MACF1: variants seen among roughly 807,000 people sequenced by gnomAD.
MACF1 encodes microtubule-actin cross-linking factor 1.
MACF1 carries 193 observed loss-of-function variants against 854.8 expected under a neutral mutation model. The observed-to-expected ratio is 0.23, with a 90% CI of 0.20 to 0.25. The LOEUF is 0.25. Among genes scored for constraint, MACF1 ranks in the 10% least tolerant of loss-of-function variants. The pLI is 1.00. For missense variants in MACF1, 7,722 were observed against 8,929.1 expected, an observed-to-expected ratio of 0.86 and a Z score of 5.45; for synonymous variants, 3,185 against 3,226.7, an observed-to-expected ratio of 0.99 and a Z score of 0.44.
At chr1:39,279,658 A>C (rs1223389178) in intron 6 of MACF1, among the ~76,000 whole-genome samples, 1 of 152,160 alleles carries the variant, frequency 6.6e-6, no homozygotes, top group East Asian at 1.9e-4. Context: ...ATGGGAAGGG[A>C]ATACATGTAC....
At position 39,444,699 on chromosome 1, in the gene MACF1, A is replaced by G; in HGVS notation, c.19469A>G (p.Tyr6490Cys). Residue 6490 changes from tyrosine to cysteine, a missense_variant, in exon 80 of 101, where the codon TAT (tyrosine) becomes TGT (cysteine). Tyr to Cys is a radical substitution (Grantham distance 194). Coordinates refer to ENST00000564288, the MANE Select transcript of MACF1 (RefSeq NM_001394062.1). ...YSQLKAKEETYNQLLDKGRLM... is the reference protein window; with the variant it reads ...YSQLKAKEETCNQLLDKGRLM... ...CAGCTGAAAGCCAAGGAAGAGACTT[A>G]TAATCAACTACTTGACAAGGGCAGA... 1.2e-6 allele frequency: 2 copies of G among 1,614,004 alleles called. No individual in the cohort carries two copies. Among genetic ancestry groups the G allele is most frequent in the Non-Finnish European group, 1.7e-6 (2 of 1,179,900 alleles).
intron 2 of MACF1, among the ~76,000 whole-genome samples, chr1:39,085,111 G>C (rs1641639378): frequency 6.6e-6 from 1 of 152,224 alleles, no homozygotes; most frequent in Non-Finnish European, 1.5e-5. Context: ...TGGAATCAGA[G>C]AGGGTAGGGT....
chr1:39,306,508 T>C (rs3120282), intron 23 of MACF1, among the ~76,000 whole-genome samples: 135,774 of 152,084 alleles, frequency 0.89, 62,005 homozygotes, highest in South Asian at 0.99. Context: ...CTTAGTTGTC[T>C]CCAAACTCTC....
chr1:39,483,601 C>CA (rs1645055275), intron 99 of MACF1, among the ~76,000 whole-genome samples: 1 of 152,076 alleles, frequency 6.6e-6, no homozygotes, highest in Non-Finnish European at 1.5e-5. Context: ...GAAATGAAGT[C>CA]AAAGAGGCAG....
At chr1:39,200,885 G>A (rs990003560), upstream of MACF1, among the ~76,000 whole-genome samples, 1 of 152,054 alleles carries the variant, frequency 6.6e-6, no homozygotes, top group Non-Finnish European at 1.5e-5. Context: ...GACCAGCCTG[G>A]GCAACATGGC....
chr1:39,323,095 C>T, intron 33 of MACF1, 87 bp downstream of exon 33: 1 of 1,261,646 alleles, frequency 7.9e-7, no homozygotes, highest in Non-Finnish European at 1.2e-6. Context: ...GTCTCTGGTA[C>T]CCAGGTGGCT....
At position 39,332,734 on chromosome 1, in the gene MACF1, A is replaced by G. The variant is rs1339877189; in HGVS notation, c.6146A>G (p.Lys2049Arg). ...GAGTTCCAGTTTTCTTCTCAGAACAAAGAATATCCCGATCGGGAAGATTGC... is the reference window on the plus strand; with the variant it reads ...GAGTTCCAGTTTTCTTCTCAGAACAGAGAATATCCCGATCGGGAAGATTGC... ...LPEFQFSSQN[K>R]EYPDREDCTT... is the part of the protein sequence containing the mutation. The change falls in exon 37 of 101, where the codon AAA becomes AGA. Residue 2049 changes from lysine to arginine, a missense_variant. Transcript: ENST00000564288. 1.2e-6 allele frequency: 2 copies of G among 1,614,218 alleles called. No homozygotes were observed. The highest frequency in any genetic ancestry group is 1.1e-5 in the South Asian group (1 of 91,082).
In MACF1 at chr1:39,447,977, C is replaced by T. The variant is rs564176848; in HGVS notation, c.19969-56C>T. The T allele has an allele frequency of 6.8e-5, 110 of 1,610,992 alleles. No individual in the cohort carries two copies. The African/African-American group carries it at 1.2e-3, about 17-fold the overall frequency. Reference sequence around the variant, plus strand: ...TTGAGTCTCTGGGATGATTCTCAAACGTGCTGTATAGTGTGTATATTCATT... The same window carrying T: ...TTGAGTCTCTGGGATGATTCTCAAATGTGCTGTATAGTGTGTATATTCATT... On this transcript the variant is annotated intron_variant, in intron 82 of 100. Transcript: ENST00000564288.
chr1:39,140,914 CAAAAAAAAAAAAA>C lies in MACF1; in HGVS notation c.220+56493_220+56505del, dbSNP rs34687844. On this transcript the variant is annotated intron_variant, in intron 2 of 93. Transcript: ENST00000361689. ...TGGGTGACAGAGTGAGACTCTGTCT[CAAAAAAAAAAAAA>C]AAAAAAAAAAAAAAAAGTGCCAGTC... 3.2e-3 allele frequency among the ~76,000 whole-genome samples: 154 copies of C among 48,296 alleles called. 1 individual carries two copies. Among genetic ancestry groups the C allele is most frequent in the African/African-American group, 0.013 (152 of 11,448 alleles). The allele number at this position is 48,296 out of a possible 152,430, so 31.7% of individuals were successfully genotyped here. A position where few individuals can be genotyped will look rare whatever the true frequency, so the allele number is the denominator to read the frequency against.
intron 2 of MACF1, among the ~76,000 whole-genome samples, chr1:39,164,406 T>A (rs1643863779): frequency 6.6e-6 from 1 of 152,254 alleles, no homozygotes; most frequent in South Asian, 2.1e-4. Flanking sequence ...GGGATGGCCC[T>A]GTCTTCAGGC....
At chr1:39,139,937 G>T (rs1643301127) in intron 2 of MACF1, among the ~76,000 whole-genome samples, 2 of 130,836 alleles carry the variant, frequency 1.5e-5, no homozygotes, top group Admixed American at 1.8e-4. Context: ...CCCATAATTA[G>T]AACTAAATCT....
chr1:39,158,445 T>C (rs1478773308), intron 2 of MACF1, among the ~76,000 whole-genome samples: 1 of 152,246 alleles, frequency 6.6e-6, no homozygotes, highest in Admixed American at 6.5e-5. Context: ...GAGTATTGTT[T>C]ATTTTGTAAA....
At chr1:39,323,906 G>C (rs1646561623) in intron 33 of MACF1, among the ~76,000 whole-genome samples, 1 of 152,158 alleles carries the variant, frequency 6.6e-6, no homozygotes, top group Non-Finnish European at 1.5e-5. Context: ...TATATGTGAA[G>C]AGATTTTTTT....
At position 39,372,593 on chromosome 1, in the gene MACF1, A is replaced by C. The variant is rs749048905; in HGVS notation, c.13210A>C (p.Thr4404Pro). ...EITAPDSQGKTGSILPSVGSS... is the reference protein window; with the variant it reads ...EITAPDSQGKPGSILPSVGSS... ...CACAGCACCTGATTCCCAAGGCAAG[A>C]CAGGTGAGTACAGGCTCTTCAAAAT... The change falls in exon 52 of 101, where the codon ACA becomes CCA. Residue 4404 changes from threonine to proline, a missense_variant. Around this residue, in one of 15 missense-constraint regions of MACF1, gnomAD observed 2,807 missense variants for 3,235.8 expected, o/e 0.87. Transcript: ENST00000564288. 6.3e-7 allele frequency: 1 copy of C among 1,584,788 alleles called. No homozygotes were observed. Among genetic ancestry groups the C allele is most frequent in the Non-Finnish European group, 8.7e-7 (1 of 1,153,424 alleles).
chr1:39,308,432 G>A (rs984030768), intron 23 of MACF1, among the ~76,000 whole-genome samples: 2 of 151,944 alleles, frequency 1.3e-5, no homozygotes, highest in Non-Finnish European at 2.9e-5. Flanking sequence ...TTAAACTTAC[G>A]GATTTAATGC....
intron 2 of MACF1, among the ~76,000 whole-genome samples, chr1:39,170,976 C>T (rs567508307): frequency 2.6e-5 from 4 of 152,146 alleles, no homozygotes; most frequent in African/African-American, 7.2e-5. Flanking sequence ...GCTGTTCTGG[C>T]GCCTGGTAGC....
intron 2 of MACF1, among the ~76,000 whole-genome samples, chr1:39,165,098 CT>C (rs1478305623): frequency 6.6e-6 from 1 of 152,154 alleles, no homozygotes; most frequent in African/African-American, 2.4e-5. Context: ...ATGTGTAGGA[CT>C]TTGTGTGTAG....
At chr1:39,459,656 G>T (rs1329193885) in intron 91 of MACF1, among the ~76,000 whole-genome samples, 1 of 152,158 alleles carries the variant, frequency 6.6e-6, no homozygotes, top group Non-Finnish European at 1.5e-5. Context: ...TATGAAATAG[G>T]AGTAATTTTT....
chr1:39,357,536 G>A lies in MACF1; in HGVS notation c.11586G>A (p.Leu3862=). The A allele has an allele frequency of 6.2e-7, 1 of 1,614,112 alleles. No individual in the cohort carries two copies. Among genetic ancestry groups the A allele is most frequent in the South Asian group, 1.1e-5 (1 of 91,066 alleles). The change falls in exon 45 of 101, where the codon CTG becomes CTA. Residue 3862 remains leucine, a synonymous_variant. Coordinates refer to ENST00000564288, the MANE Select transcript of MACF1 (RefSeq NM_001394062.1). ...GELKEQYSTS[L]AQSEAELKQV... ...TAAAGGAACAATACTCTACTTCCCT[G>A]GCCCAATCAGAGGCAGAACTGAAGC...
Sources: allele counts gnomAD v4.1 joint callset (sites outside exome capture counted in the v4.1 genomes callset), GRCh38; gene constraint gnomAD v4.1.1; regional missense constraint gnomAD v4.1.1; transcripts MANE v1.5; gene names NCBI Gene and HGNC (gene_info 2026-07-23, HGNC 2026-07-21).